The following LYZL6 variants were observed in gnomAD, a reference collection of about 807,000 sequenced individuals.
LYZL6 encodes lysozyme-like protein 6.
LYZL6 carries 21 observed loss-of-function variants against 15.0 expected under a neutral mutation model. The ratio of observed to expected loss-of-function variants is 1.40; its 90% confidence interval spans 1.00 to 2.02. LYZL6 has a LOEUF of 2.02. Ranked by LOEUF, LYZL6 falls within the 30% of genes most tolerant of loss-of-function variation. The pLI is 0.00. For missense variants in LYZL6, 173 were observed against 180.5 expected, an observed-to-expected ratio of 0.96 and a Z score of 0.24; for synonymous variants, 72 against 67.8, an observed-to-expected ratio of 1.06 and a Z score of -0.31.
intron 2 of LYZL6, 63 bp downstream of exon 2, chr17:35,939,155 G>T: frequency 6.5e-7 from 1 of 1,549,094 alleles, no homozygotes; most frequent in Non-Finnish European, 8.8e-7. Context: ...AGAGAAAGAA[G>T]CTGGCCATAT....
intron 4 of LYZL6, among the ~76,000 whole-genome samples, chr17:35,936,111 G>A (rs942857692): frequency 1.3e-5 from 2 of 152,146 alleles, no homozygotes; most frequent in Admixed American, 6.5e-5. Flanking sequence ...CACCATGCCC[G>A]GTCCACATTT....
At chr17:35,935,415 GT>G (rs910456523) in intron 4 of LYZL6, among the ~76,000 whole-genome samples, 8 of 152,214 alleles carry the variant, frequency 5.3e-5, no homozygotes, top group Admixed American at 4.6e-4. Context: ...TTTTGTTGTC[GT>G]TTTTTGTTTC....
chr17:35,936,743 T>C lies in LYZL6; in HGVS notation c.377+12A>G, dbSNP rs1176069720. 1 of 1,612,372 alleles carries C rather than the reference T, an allele frequency of 6.2e-7. No homozygotes were observed. Among genetic ancestry groups the C allele is most frequent in the South Asian group, 1.1e-5 (1 of 91,066 alleles). ...GGGCTCTGCCCGCTGAGTCCCACCG[T>C]GTCCTCCTCACCAGTTGTTCATCCC... On this transcript the variant is annotated intron_variant, in intron 4 of 4. Transcript: ENST00000615905.
At chr17:35,940,843 T>TA (rs1213156720) in intron 1 of LYZL6, among the ~76,000 whole-genome samples, 1 of 152,268 alleles carries the variant, frequency 6.6e-6, no homozygotes, top group East Asian at 1.9e-4. Context: ...CATGTAATGA[T>TA]ACTTCATTCC....
In LYZL6 at chr17:35,934,785, C is replaced by G; in HGVS notation, c.*11G>C. On this transcript the variant is annotated 3_prime_UTR_variant, in exon 5 of 5. Coordinates refer to ENST00000615905, the MANE Select transcript of LYZL6 (RefSeq NM_020426.4). ...TCTTGGAATGACTCCACGGTGCACC[C>G]GCACCCTGTTTCATCTCAGGCGGCA... 6.2e-7 allele frequency: 1 copy of G among 1,613,234 alleles called. No individual in the cohort carries two copies. The highest frequency in any genetic ancestry group is 8.5e-7 in the Non-Finnish European group (1 of 1,179,254).
intron 1 of LYZL6, among the ~76,000 whole-genome samples, chr17:35,941,732 C>T (rs373017111): frequency 2.0e-5 from 3 of 152,132 alleles, no homozygotes; most frequent in South Asian, 4.2e-4. Flanking sequence ...AAAGGCCAAC[C>T]GATAAGTGTG....
At chr17:35,939,053 G>T (rs1182662244) in intron 2 of LYZL6, among the ~76,000 whole-genome samples, 165 bp downstream of exon 2, 2 of 152,202 alleles carry the variant, frequency 1.3e-5, no homozygotes, top group East Asian at 1.9e-4. Flanking sequence ...CATAATAAGT[G>T]CTCAGACAAT....
At chr17:35,935,511 G>A (rs558259353) in intron 4 of LYZL6, among the ~76,000 whole-genome samples, 8 of 152,044 alleles carry the variant, frequency 5.3e-5, no homozygotes, top group Non-Finnish European at 7.4e-5. Context: ...TGGCTCCCGG[G>A]TTCAAGCGAT....
At position 35,936,770 on chromosome 17, in the gene LYZL6, C is replaced by G. The variant is rs199612410; in HGVS notation, c.362G>C (p.Arg121Pro). ...HCAKRIVSGA[R>P]GMNNWVEWRL... ...TCCTCCTCACCAGTTGTTCATCCCC[C>G]GTGCTCCGGACACAATCCTTTTTGC... The change falls in exon 4 of 5, where the codon CGG becomes CCG. Residue 121 changes from arginine (R) to proline (P), a missense_variant. Transcript: ENST00000615905. The G allele has an allele frequency of 1.9e-6, 3 of 1,613,604 alleles. No homozygotes were observed. The highest frequency in any genetic ancestry group is 2.5e-6 in the Non-Finnish European group (3 of 1,180,012).
chr17:35,935,642 G>T (rs1189602150), intron 4 of LYZL6, among the ~76,000 whole-genome samples: 2 of 151,972 alleles, frequency 1.3e-5, no homozygotes, highest in Non-Finnish European at 2.9e-5. Context: ...AACACAAAAA[G>T]CAGCCTGGGA....
intron 2 of LYZL6, among the ~76,000 whole-genome samples, chr17:35,938,444 CCT>C (rs2089396530): frequency 6.6e-6 from 1 of 151,996 alleles, no homozygotes; most frequent in Non-Finnish European, 1.5e-5. Flanking sequence ...ACGGTGAAAC[CCT>C]GTCTCTACTA....
rs1321013847 is a variant in LYZL6 at position 35,934,776 on chromosome 17, C to T, written c.*20G>A. 12 of 1,610,688 alleles carry T rather than the reference C, an allele frequency of 7.5e-6. No individual in the cohort carries two copies. The East Asian group carries it at 8.9e-5, about 12-fold the overall frequency. On this transcript the variant is annotated 3_prime_UTR_variant, in exon 5 of 5. Transcript: ENST00000615905. ...GGACAGGAGTCTTGGAATGACTCCA[C>T]GGTGCACCCGCACCCTGTTTCATCT...
chr17:35,937,211 T>G (rs1201251193), intron 3 of LYZL6, among the ~76,000 whole-genome samples: 1 of 152,156 alleles, frequency 6.6e-6, no homozygotes, highest in East Asian at 1.9e-4. Context: ...TCGGTCAGTG[T>G]GCGAAGGCAG....
At chr17:35,935,234 G>A (rs1388131966) in intron 4 of LYZL6, among the ~76,000 whole-genome samples, 1 of 151,822 alleles carries the variant, frequency 6.6e-6, no homozygotes, top group African/African-American at 2.4e-5. Context: ...CTTTTCTGTG[G>A]TGTTTTGAGT....
chr17:35,940,052 G>C (rs1356160630), intron 1 of LYZL6, among the ~76,000 whole-genome samples: 1 of 152,094 alleles, frequency 6.6e-6, no homozygotes, highest in Non-Finnish European at 1.5e-5. Flanking sequence ...TACAATTCTT[G>C]GTGGGCTGGC....
intron 4 of LYZL6, 95 bp from the exon 5 acceptor site, chr17:35,934,960 C>T (rs2089358162): frequency 1.1e-5 from 13 of 1,130,590 alleles, no homozygotes; most frequent in Middle Eastern, 1.9e-4. Flanking sequence ...TGGAGCAACG[C>T]CCAGAATCCC....
intron 2 of LYZL6, among the ~76,000 whole-genome samples, chr17:35,938,915 A>G (rs907921301): frequency 6.6e-6 from 1 of 152,148 alleles, no homozygotes; most frequent in Admixed American, 6.5e-5. Context: ...TCTTCATAGC[A>G]TTGGTCACCA....
rs199836394 is a variant in LYZL6, at chr17:35,936,788, C to G, written c.344G>C (p.Arg115Thr). The G allele has an allele frequency of 2.1e-4, 338 of 1,613,876 alleles. No homozygotes were observed. Among genetic ancestry groups the G allele is most frequent in the Non-Finnish European group, 2.6e-4 (304 of 1,180,010 alleles). ...NLLAGIHCAK[R>T]IVSGARGMNN... ...CATCCCCCGTGCTCCGGACACAATC[C>G]TTTTTGCGCAGTGGATGCCTGCAAG... The change falls in exon 4 of 5, where the codon AGG (arginine) becomes ACG (threonine). Residue 115 changes from arginine to threonine, a missense_variant. Arg to Thr is a moderately conservative substitution (Grantham distance 71). Coordinates refer to ENST00000615905, the MANE Select transcript of LYZL6 (RefSeq NM_020426.4).
intron 2 of LYZL6, among the ~76,000 whole-genome samples, chr17:35,938,194 C>T (rs1318372068): frequency 3.9e-5 from 6 of 152,188 alleles, no homozygotes; most frequent in Non-Finnish European, 1.5e-5. Context: ...TAGTGAGGGA[C>T]ATTTCAGTTG....
Sources: allele counts gnomAD v4.1 joint callset (sites outside exome capture counted in the v4.1 genomes callset), GRCh38; gene constraint gnomAD v4.1.1; transcripts MANE v1.5; gene names NCBI Gene and HGNC (gene_info 2026-07-23, HGNC 2026-07-21).